The following HIPK2 variants were observed in gnomAD, a reference collection of about 807,000 sequenced individuals.
The protein encoded by HIPK2 is homeodomain-interacting protein kinase 2.
HIPK2 carries 27 observed loss-of-function variants against 113.7 expected under a neutral mutation model. The observed-to-expected ratio is 0.24, with a 90% CI of 0.17 to 0.33. The LOEUF (loss-of-function observed/expected upper bound fraction) is 0.33, where lower values mean the gene tolerates loss of function less well. Among genes scored for constraint, HIPK2 ranks in the 10% least tolerant of loss-of-function variants. The pLI, the probability that HIPK2 is intolerant of heterozygous loss-of-function variation, is 1.00. For missense variants in HIPK2, 1,257 were observed against 1,588.0 expected (o/e 0.79, Z 3.54); for synonymous variants, 631 against 642.2 (o/e 0.98, Z 0.26).
chr7:139,740,864 C>T (rs955074929), intron 1 of HIPK2, among the ~76,000 whole-genome samples: 5 of 152,168 alleles, frequency 3.3e-5, no homozygotes, highest in African/African-American at 7.2e-5. Flanking sequence ...GTACAAATTC[C>T]GGCCAGGCGC....
intron 2 of HIPK2, among the ~76,000 whole-genome samples, chr7:139,680,243 C>G (rs528546640): frequency 6.6e-6 from 1 of 152,344 alleles, no homozygotes; most frequent in East Asian, 1.9e-4. Flanking sequence ...CTGGCTCCTC[C>G]TGTCCCCCGA....
At chr7:139,721,156 C>G (rs1412580013) in intron 1 of HIPK2, among the ~76,000 whole-genome samples, 1 of 152,172 alleles carries the variant, frequency 6.6e-6, no homozygotes, top group Non-Finnish European at 1.5e-5. Context: ...ATGACTGGAC[C>G]CAACGCTCAG....
Position 139,631,147 on chromosome 7 carries a change from A to C in HIPK2, c.1347+18T>G, listed in dbSNP as rs770767353. The C allele has an allele frequency of 6.9e-6, 11 of 1,602,322 alleles. No homozygotes were observed. The highest frequency in any genetic ancestry group is 1.3e-5 in the African/African-American group (1 of 74,698). ...AGCGCTGGGCCACTGTGAGGAGTGG[A>C]GGAGACGCTCTTCCTACCTTCAGTC... On this transcript the variant is annotated intron_variant, in intron 4 of 14. Coordinates refer to ENST00000406875, the MANE Select transcript of HIPK2 (RefSeq NM_022740.5). This position sits in a 1 kb window ranked among gnomAD's most constrained non-coding sequence, Gnocchi z 4.9.
intron 2 of HIPK2, among the ~76,000 whole-genome samples, chr7:139,689,646 T>C (rs1256243569): frequency 6.6e-6 from 1 of 152,136 alleles, no homozygotes; most frequent in African/African-American, 2.4e-5. Flanking sequence ...CCTGGAACTT[T>C]CCTATTACAA....
chr7:139,608,875 A>C (rs771751043), intron 9 of HIPK2, among the ~76,000 whole-genome samples: 107 of 152,360 alleles, frequency 7.0e-4, no homozygotes, highest in Non-Finnish European at 1.2e-3. Flanking sequence ...TAAAGGGTTC[A>C]AGCCAACAGT....
intron 2 of HIPK2, among the ~76,000 whole-genome samples, chr7:139,661,949 T>C (rs1801880467): frequency 6.6e-6 from 1 of 152,228 alleles, no homozygotes; most frequent in East Asian, 1.9e-4. Context: ...TTTAATATTA[T>C]TTCAGGTTTT....
At chr7:139,746,189 G>A (rs1796186559) in intron 1 of HIPK2, among the ~76,000 whole-genome samples, 1 of 152,136 alleles carries the variant, frequency 6.6e-6, no homozygotes, top group Non-Finnish European at 1.5e-5. Flanking sequence ...AAAAAAACCT[G>A]TGACCTGGAA....
chr7:139,632,608 A>G (rs965225994), intron 2 of HIPK2, among the ~76,000 whole-genome samples: 1 of 152,184 alleles, frequency 6.6e-6, no homozygotes, highest in African/African-American at 2.4e-5. Flanking sequence ...TGTCCCTTCA[A>G]GGAAATCACC....
intron 2 of HIPK2, among the ~76,000 whole-genome samples, chr7:139,651,554 C>T (rs1459354721): frequency 6.6e-6 from 1 of 152,204 alleles, no homozygotes. Flanking sequence ...TCATTACCAG[C>T]TCACTGACCA....
intron 12 of HIPK2, among the ~76,000 whole-genome samples, chr7:139,591,074 T>C (rs887382086): frequency 6.6e-6 from 1 of 152,208 alleles, no homozygotes; most frequent in South Asian, 2.1e-4. Flanking sequence ...CTCAAACTCT[T>C]GGCCTCAAGT....
chr7:139,775,797 T>C (rs780349872), intron 1 of HIPK2, among the ~76,000 whole-genome samples: 1 of 152,084 alleles, frequency 6.6e-6, no homozygotes, highest in Non-Finnish European at 1.5e-5. Flanking sequence ...CTACCTTCCA[T>C]ATGGATTTAA....
Position 139,592,341 on chromosome 7 carries a change from T to C in HIPK2, c.2717+4376A>G, listed in dbSNP as rs568532832. ...CAGAACAACCCACCTACCAGAAATATCCAGGTAACTGAATGAGTGAATGCG... is the reference window on the plus strand; with the variant it reads ...CAGAACAACCCACCTACCAGAAATACCCAGGTAACTGAATGAGTGAATGCG... On this transcript the variant is annotated intron_variant, in intron 12 of 14. Coordinates refer to ENST00000406875, the MANE Select transcript of HIPK2 (RefSeq NM_022740.5). 9.5e-4 allele frequency among the ~76,000 whole-genome samples: 144 copies of C among 152,282 alleles called. 4 individuals are homozygous for C. The South Asian group carries it at 0.028, about 30-fold the overall frequency.
intron 13 of HIPK2, among the ~76,000 whole-genome samples, chr7:139,580,180 C>T (rs1268338459): frequency 6.6e-6 from 1 of 152,156 alleles, no homozygotes; most frequent in Non-Finnish European, 1.5e-5. Context: ...TGTGCTGGGC[C>T]CCGCTGTGCA....
chr7:139,668,202 G>A (rs1050537749), intron 2 of HIPK2, among the ~76,000 whole-genome samples: 5 of 151,514 alleles, frequency 3.3e-5, no homozygotes, highest in African/African-American at 9.7e-5. Flanking sequence ...GGTATCTTAT[G>A]CAATAATAGA....
chr7:139,688,754 C>T (rs1190195888), intron 2 of HIPK2, among the ~76,000 whole-genome samples: 1 of 151,948 alleles, frequency 6.6e-6, no homozygotes, highest in African/African-American at 2.4e-5. Flanking sequence ...TTCCCTCTTC[C>T]CACCTCCCAC....
At chr7:139,628,464 T>TG (rs1225921226) in intron 5 of HIPK2, among the ~76,000 whole-genome samples, 3 of 152,262 alleles carry the variant, frequency 2.0e-5, no homozygotes, top group African/African-American at 4.8e-5. Flanking sequence ...TTTTTTGAGA[T>TG]GGAGTTTTGA....
chr7:139,774,688 C>T (rs1388435273), intron 1 of HIPK2, among the ~76,000 whole-genome samples: 1 of 152,124 alleles, frequency 6.6e-6, no homozygotes, highest in African/African-American at 2.4e-5. Context: ...GAGAGGAAAA[C>T]ATAAATAACT....
chr7:139,591,842 C>T (rs1368881220), intron 12 of HIPK2, among the ~76,000 whole-genome samples: 4 of 152,266 alleles, frequency 2.6e-5, no homozygotes, highest in Non-Finnish European at 5.9e-5. Flanking sequence ...CTGATTCCCA[C>T]GTCTCCATGA....
At chr7:139,744,798 C>T (rs1327742895) in intron 1 of HIPK2, among the ~76,000 whole-genome samples, 1 of 152,246 alleles carries the variant, frequency 6.6e-6, no homozygotes, top group Non-Finnish European at 1.5e-5. Context: ...AGGCCACGTT[C>T]TGCTCGCTTC....
Sources: gnomAD v4.1 joint callset for allele counts (sites outside exome capture counted in the v4.1 genomes callset) on GRCh38, gnomAD v4.1.1 for gene constraint, Gnocchi (gnomAD v3.1) non-coding constraint, MANE v1.5 for transcripts, NCBI Gene and HGNC (gene_info 2026-07-23, HGNC 2026-07-21) for gene names.